ARID1B: variants seen among roughly 807,000 people sequenced by gnomAD.
ARID1B encodes AT-rich interactive domain-containing protein 1B.
A neutral mutation model predicts 212.3 loss-of-function variants in ARID1B; 30 were observed. The ratio of observed to expected loss-of-function variants is 0.14; its 90% CI spans 0.11 to 0.19. ARID1B has a LOEUF of 0.19. ARID1B is among the 10% of genes least tolerant of loss of function. The pLI is 1.00. For synonymous variants in ARID1B, 1,402 were observed against 1,301.7 expected (o/e 1.08, Z -1.66); for missense variants, 2,891 against 3,204.0 (o/e 0.90, Z 2.36).
At chr6:157,172,229 G>A (rs191356749) in intron 9 of ARID1B, among the ~76,000 whole-genome samples, 47 of 152,232 alleles carry the variant, frequency 3.1e-4, no homozygotes, top group East Asian at 2.5e-3. Flanking sequence ...ACAAAACTGC[G>A]TGGAAGCAGT....
At position 157,173,996 on chromosome 6, in the gene ARID1B, GT is replaced by G; in HGVS notation, c.3236-8del. On this transcript the variant is annotated splice_polypyrimidine_tract_variant and intron_variant, in intron 9 of 19. Coordinates refer to ENST00000636930, the MANE Select transcript of ARID1B (RefSeq NM_001374828.1). The stretch of plus-strand genomic sequence containing the variant: ...CATATAATCCTAAACTCTTTCTCCT[GT>G]TTTCGATTAGCATCTGTGGGTCTTG... 1 of 1,609,562 alleles carries G rather than the reference GT, an allele frequency of 6.2e-7. No homozygotes were observed. Among genetic ancestry groups the G allele is most frequent in the Non-Finnish European group, 8.5e-7 (1 of 1,175,884 alleles).
chr6:156,779,571 C>A (rs1020630288), intron 1 of ARID1B, 100 bp downstream of exon 1: 1 of 1,106,952 alleles, frequency 9.0e-7, no homozygotes, highest in Non-Finnish European at 1.1e-6. Flanking sequence ...CGTCTTCCCG[C>A]GGGGGCGGCG....
At chr6:157,092,498 T>G (rs138219266) in intron 5 of ARID1B, among the ~76,000 whole-genome samples, 63 of 152,366 alleles carry the variant, frequency 4.1e-4, no homozygotes, top group Admixed American at 4.6e-4. Flanking sequence ...ACTCTTCTCC[T>G]TCAGAGGTCA....
intron 2 of ARID1B, among the ~76,000 whole-genome samples, chr6:156,884,697 G>A (rs1395234790): frequency 6.6e-6 from 1 of 152,232 alleles, no homozygotes; most frequent in Non-Finnish European, 1.5e-5. Flanking sequence ...TTTGGGGAGT[G>A]AAGAGCAATG....
intron 4 of ARID1B, chr6:157,023,933 T>C (rs1331443123): frequency 6.6e-6 from 1 of 152,252 alleles, no homozygotes; most frequent in African/African-American, 2.4e-5. Flanking sequence ...AGATTGTAGC[T>C]AGTTATCTCA....
At chr6:156,959,674 G>C (rs1794226493) in intron 4 of ARID1B, among the ~76,000 whole-genome samples, 1 of 152,072 alleles carries the variant, frequency 6.6e-6, no homozygotes, top group African/African-American at 2.4e-5. Context: ...CTGTGTAAAG[G>C]TTGAATTGTC....
chr6:156,907,071 T>G (rs990513193), intron 3 of ARID1B, among the ~76,000 whole-genome samples: 1 of 152,224 alleles, frequency 6.6e-6, no homozygotes, highest in Non-Finnish European at 1.5e-5. Flanking sequence ...CTTTAAAAAA[T>G]CACTGCCTTC....
At chr6:156,823,524 C>G (rs765690981) in intron 1 of ARID1B, among the ~76,000 whole-genome samples, 3 of 152,104 alleles carry the variant, frequency 2.0e-5, no homozygotes, top group Non-Finnish European at 4.4e-5. Flanking sequence ...AGAAATAGAA[C>G]AGATTTCAAA....
At chr6:156,940,447 CAT>C (rs1057433596) in intron 4 of ARID1B, 2 of 152,158 alleles carry the variant, frequency 1.3e-5, no homozygotes, top group African/African-American at 2.4e-5. Flanking sequence ...TTAGATAAAA[CAT>C]ATGTTTTTTG....
chr6:156,868,129 G>C (rs1217894552), intron 2 of ARID1B, among the ~76,000 whole-genome samples: 2 of 151,836 alleles, frequency 1.3e-5, no homozygotes, highest in East Asian at 3.8e-4. Context: ...ACAAACGTCT[G>C]ATTCATTATT....
At chr6:156,866,747 C>A (rs940516579) in intron 2 of ARID1B, among the ~76,000 whole-genome samples, 34 of 152,288 alleles carry the variant, frequency 2.2e-4, no homozygotes, top group African/African-American at 7.2e-4. Context: ...TTAATATGTT[C>A]ATGGCTGTGG....
chr6:156,996,571 A>T (rs1462640088), intron 4 of ARID1B, among the ~76,000 whole-genome samples: 1 of 152,230 alleles, frequency 6.6e-6, no homozygotes, highest in Admixed American at 6.5e-5. Flanking sequence ...AATAAGTAAT[A>T]GATCAAAATA....
Position 157,084,664 on chromosome 6 carries a change from T to G in ARID1B, c.2250T>G (p.Asp750Glu). 1 of 1,613,918 alleles carries G rather than the reference T, an allele frequency of 6.2e-7. No individual in the cohort carries two copies. Among genetic ancestry groups the G allele is most frequent in the Non-Finnish European group, 8.5e-7 (1 of 1,179,894 alleles). ...IQQERPSSLP[D>E]LSGSIDDLPT... Reference sequence around the variant, plus strand: ...AAATACATCTTTTCCTTTCTTAGGATCTGTCTGGCTCCATTGATGACCTCC... The same window carrying G: ...AAATACATCTTTTCCTTTCTTAGGAGCTGTCTGGCTCCATTGATGACCTCC... The change falls in exon 5 of 20, where the codon GAT becomes GAG. Residue 750 changes from aspartate (D) to glutamate (E), a missense_variant and splice_region_variant. Transcript: ENST00000636930.
chr6:157,144,849 G>A (rs1195254256), intron 7 of ARID1B, among the ~76,000 whole-genome samples: 1 of 152,350 alleles, frequency 6.6e-6, no homozygotes, highest in South Asian at 2.1e-4. Context: ...AAAGAACTTT[G>A]AAACTGATGA....
At chr6:156,876,681 G>A (rs1786582518) in intron 2 of ARID1B, among the ~76,000 whole-genome samples, 1 of 152,152 alleles carries the variant, frequency 6.6e-6, no homozygotes, top group Non-Finnish European at 1.5e-5. Context: ...GACACTTTCT[G>A]TGTGCCCCGT....
intron 5 of ARID1B, among the ~76,000 whole-genome samples, chr6:157,097,366 T>G (rs1002506052): frequency 7.2e-5 from 11 of 152,192 alleles, no homozygotes; most frequent in African/African-American, 2.7e-4. Context: ...AAACCCTGTA[T>G]TTTTCCCTCC....
chr6:157,055,875 A>T (rs933585652), intron 4 of ARID1B, among the ~76,000 whole-genome samples: 2 of 152,112 alleles, frequency 1.3e-5, no homozygotes, highest in Non-Finnish European at 1.5e-5. Flanking sequence ...ATCATGCCGC[A>T]TGCTAACCCA....
At chr6:157,036,921 C>T (rs780700256) in intron 4 of ARID1B, 2 of 486,394 alleles carry the variant, frequency 4.1e-6, no homozygotes, top group South Asian at 3.2e-5. Context: ...TTGTCAGTTC[C>T]TCCTAGGTGG....
intron 4 of ARID1B, among the ~76,000 whole-genome samples, chr6:157,055,419 T>G (rs753180711): frequency 2.6e-5 from 4 of 152,194 alleles, no homozygotes; most frequent in Non-Finnish European, 5.9e-5. Context: ...TGCTCAAAAT[T>G]TTTGCTTTAA....
Sources: gnomAD v4.1 joint callset for allele counts (sites outside exome capture counted in the v4.1 genomes callset) on GRCh38, gnomAD v4.1.1 for gene constraint, MANE v1.5 for transcripts, NCBI Gene and HGNC (gene_info 2026-07-23, HGNC 2026-07-21) for gene names.